Variants in GMPS observed in about 807,000 individuals in gnomAD.
GMPS encodes the protein GMP synthase [glutamine-hydrolyzing].
A neutral mutation model predicts 77.9 loss-of-function variants in GMPS; 15 were observed. The observed-to-expected ratio is 0.19, with a 90% CI of 0.13 to 0.30. The LOEUF is 0.30. GMPS is among the 10% of genes least tolerant of loss of function. The pLI is 1.00. For missense variants in GMPS, 590 were observed against 838.8 expected, an observed-to-expected ratio of 0.70 and a Z score of 3.66; for synonymous variants, 224 against 275.9, an observed-to-expected ratio of 0.81 and a Z score of 1.86.
At chr3:155,903,825 T>G in intron 3 of GMPS, 38 bp from the exon 4 acceptor site, 1 of 854,362 alleles carries the variant, frequency 1.2e-6, no homozygotes, top group Non-Finnish European at 1.8e-6. Flanking sequence ...GTATTTTTCT[T>G]TTGATTTCTA....
At position 155,914,574 on chromosome 3, in the gene GMPS, C is replaced by A; in HGVS notation, c.1038+4C>A. ...CATTGGGGATACTTTTGTTAAGGTA[C>A]CTTTGTTTTTAATATCCTCAACATG... On this transcript the variant is annotated splice_donor_region_variant and intron_variant, in intron 8 of 15. Coordinates refer to ENST00000496455, the MANE Select transcript of GMPS (RefSeq NM_003875.3). 1 of 1,552,150 alleles carries A rather than the reference C, an allele frequency of 6.4e-7. No individual in the cohort carries two copies. Among genetic ancestry groups the A allele is most frequent in the Non-Finnish European group, 8.7e-7 (1 of 1,149,724 alleles).
Position 155,903,896 on chromosome 3 carries a change from A to G in GMPS, c.358A>G (p.Lys120Glu), listed in dbSNP as rs188563169. 21 of 1,547,998 alleles carry G rather than the reference A, an allele frequency of 1.4e-5. No individual in the cohort carries two copies. Among genetic ancestry groups the G allele is most frequent in the East Asian group, 2.3e-5 (1 of 43,666 alleles). Residue 120 changes from lysine to glutamate, a missense_variant, in exon 4 of 16, where the codon AAA becomes GAA. Lys to Glu is a moderately conservative substitution (Grantham distance 56). Transcript: ENST00000496455. The part of the protein sequence containing the change: ...MNKVFGGTVH[K>E]KSVREDGVFN... ...TAAGGTATTTGGAGGTACTGTGCAC[A>G]AAAAAAGTGTCAGAGAAGATGGAGT...
At chr3:155,879,393 A>G (rs1377711267) in intron 1 of GMPS, among the ~76,000 whole-genome samples, 2 of 149,050 alleles carry the variant, frequency 1.3e-5, no homozygotes, top group Non-Finnish European at 3.0e-5. Flanking sequence ...TCAGCCTCCC[A>G]AGTAGCTGGG....
intron 9 of GMPS, among the ~76,000 whole-genome samples, chr3:155,918,851 G>A (rs940826558): frequency 1.3e-5 from 2 of 152,086 alleles, no homozygotes; most frequent in Non-Finnish European, 2.9e-5. Flanking sequence ...ACTTGCAAAT[G>A]TCTTCTCTAG....
At chr3:155,880,502 T>G (rs936814184) in intron 1 of GMPS, among the ~76,000 whole-genome samples, 1 of 152,242 alleles carries the variant, frequency 6.6e-6, no homozygotes, top group Non-Finnish European at 1.5e-5. Flanking sequence ...CTTGTTTTTA[T>G]TGTGGTAAAA....
chr3:155,884,245 G>T (rs958860939), intron 1 of GMPS, among the ~76,000 whole-genome samples: 1 of 151,648 alleles, frequency 6.6e-6, no homozygotes, highest in Non-Finnish European at 1.5e-5. Flanking sequence ...AATTAGCTGG[G>T]CATGGTGGTG....
chr3:155,915,854 C>G (rs1413834642), intron 8 of GMPS, among the ~76,000 whole-genome samples, 165 bp from the exon 9 acceptor site: 1 of 152,096 alleles, frequency 6.6e-6, no homozygotes, highest in Non-Finnish European at 1.5e-5. Flanking sequence ...CTTTTTGAAT[C>G]GTGTTAGAGG....
At chr3:155,891,011 C>A (rs951333872) in intron 1 of GMPS, among the ~76,000 whole-genome samples, 2 of 152,172 alleles carry the variant, frequency 1.3e-5, no homozygotes, top group African/African-American at 4.8e-5. Flanking sequence ...GACCAATCAC[C>A]AATAGAATGA....
At chr3:155,925,477 T>C in intron 12 of GMPS, 111 bp downstream of exon 12, 1 of 711,076 alleles carries the variant, frequency 1.4e-6, no homozygotes. Context: ...TGATCTCAGC[T>C]CATTGCAACC....
Position 155,943,979 on chromosome 3 carries a change from T to C in GMPS, c.*6287T>C, listed in dbSNP as rs999918737. 2 of 152,176 alleles carry C rather than the reference T, an allele frequency of 1.3e-5. No individual in the cohort carries two copies. The highest frequency in any genetic ancestry group is 1.3e-4 in the Admixed American group (2 of 15,272). 9.4% of individuals were successfully genotyped at this position (152,176 alleles called of 1,614,324 possible). Reference sequence around the variant, plus strand: ...TATTTAAATGAGCTAAAGGTGTGCGTATACACATGCACTTATAAAATTAAA... The same window carrying C: ...TATTTAAATGAGCTAAAGGTGTGCGCATACACATGCACTTATAAAATTAAA... On this transcript the variant is annotated 3_prime_UTR_variant, in exon 16 of 16. Coordinates refer to ENST00000496455, the MANE Select transcript of GMPS (RefSeq NM_003875.3).
intron 15 of GMPS, among the ~76,000 whole-genome samples, chr3:155,937,179 G>A (rs1057390120): frequency 6.6e-6 from 1 of 152,186 alleles, no homozygotes; most frequent in African/African-American, 2.4e-5. Flanking sequence ...TGTACTCTGT[G>A]CCACCTTGGT....
At position 155,888,734 on chromosome 3, in the gene GMPS, C is replaced by T. The variant is rs572441646; in HGVS notation, c.28-4784C>T. Among the ~76,000 whole-genome samples the T allele has an allele frequency of 3.9e-5, 6 of 152,100 alleles. No individual in the cohort carries two copies. In the South Asian group the frequency reaches 1.2e-3, roughly 32 times the overall value. On this transcript the variant is annotated intron_variant, in intron 1 of 15. Transcript: ENST00000496455. ...CCAAGTAGCTGGGATCACAGGCATG[C>T]ACCACCACACCCAGATAATTTTGTA... is the stretch of plus-strand genomic sequence containing the variant.
At chr3:155,894,280 G>A (rs1754544927) in intron 2 of GMPS, among the ~76,000 whole-genome samples, 1 of 152,118 alleles carries the variant, frequency 6.6e-6, no homozygotes. Context: ...CTGAAGTGCA[G>A]CGGCACGATT....
chr3:155,911,657 A>T (rs1055972189), intron 7 of GMPS, among the ~76,000 whole-genome samples: 2 of 151,628 alleles, frequency 1.3e-5, no homozygotes, highest in African/African-American at 2.4e-5. Flanking sequence ...GGCCAACATG[A>T]TGAAACCCCA....
At chr3:155,888,177 ATGTG>A (rs1754380630) in intron 1 of GMPS, among the ~76,000 whole-genome samples, 1 of 145,898 alleles carries the variant, frequency 6.9e-6, no homozygotes, top group African/African-American at 2.5e-5. Flanking sequence ...CTAAAAAATT[ATGTG>A]TGCTTTTAAT....
intron 10 of GMPS, among the ~76,000 whole-genome samples, chr3:155,920,574 T>TA (rs145651357): frequency 0.21 from 22,609 of 109,374 alleles, 2,203 homozygotes; most frequent in South Asian, 0.26. Flanking sequence ...GACTCCATCT[T>TA]AAAAAAAAAA....
Position 155,889,226 on chromosome 3 carries a change from A to G in GMPS, c.28-4292A>G, listed in dbSNP as rs911501140. On this transcript the variant is annotated intron_variant, in intron 1 of 15. Transcript: ENST00000496455. ...ATTCCTGGCTCTGTCCCTGTGCCCC[A>G]TGTTAGTCTGTTCCTTCTCCCTTTT... Among the ~76,000 whole-genome samples, 4 of 152,088 alleles carry G rather than the reference A, an allele frequency of 2.6e-5. No individual in the cohort carries two copies. The East Asian group carries it at 7.7e-4, about 29-fold the overall frequency.
chr3:155,910,891 C>G lies in GMPS; in HGVS notation c.720+6C>G, dbSNP rs1311981207. ...TAGGCACGTCAAAAGTTTTGGTAAG[C>G]AAATTATTATCTGGAAGTCTACAAA... On this transcript the variant is annotated splice_donor_region_variant and intron_variant, in intron 6 of 15. Transcript: ENST00000496455. The G allele has an allele frequency of 6.5e-7, 1 of 1,545,292 alleles. No individual in the cohort carries two copies. The highest frequency in any genetic ancestry group is 2.0e-5 in the Admixed American group (1 of 49,652).
chr3:155,934,759 A>T (rs147460976), intron 13 of GMPS, among the ~76,000 whole-genome samples, 157 bp from the exon 14 acceptor site: 1 of 152,204 alleles, frequency 6.6e-6, no homozygotes, highest in African/African-American at 2.4e-5. Context: ...ATCTTGTCCT[A>T]TCCATCTGGG....
Sources: allele counts gnomAD v4.1 joint callset (sites outside exome capture counted in the v4.1 genomes callset), GRCh38; gene constraint gnomAD v4.1.1; transcripts MANE v1.5; gene names NCBI Gene and HGNC (gene_info 2026-07-23, HGNC 2026-07-21).